The following LMO7 variants were observed in gnomAD, a reference collection of about 807,000 sequenced individuals.
The protein encoded by LMO7 is LIM domain only protein 7.
A neutral mutation model predicts 206.5 loss-of-function variants in LMO7; 120 were observed. That is an observed-to-expected ratio of 0.58 (90% confidence interval 0.50 to 0.68). The LOEUF (loss-of-function observed/expected upper bound fraction) is 0.68. Among genes scored for constraint, LMO7 ranks in the 30% least tolerant of loss-of-function variants. The pLI, the probability that LMO7 is intolerant of heterozygous loss-of-function variation, is 0.00. For synonymous variants in LMO7, 706 were observed against 681.5 expected, an observed-to-expected ratio of 1.04 and a Z score of -0.56; for missense variants, 1,959 against 1,957.9, an observed-to-expected ratio of 1.00 and a Z score of -0.01.
At chr13:75,795,126 A>G in intron 4 of LMO7, among the ~76,000 whole-genome samples, 1 of 152,176 alleles carries the variant, frequency 6.6e-6, no homozygotes, top group East Asian at 1.9e-4. Context: ...GACTGAAATG[A>G]ATAAAATGAA....
At chr13:75,693,027 G>A (rs905257146) in intron 1 of LMO7, among the ~76,000 whole-genome samples, 1 of 152,296 alleles carries the variant, frequency 6.6e-6, no homozygotes, top group African/African-American at 2.4e-5. Flanking sequence ...TATTACAGAA[G>A]CTGTAACTTT....
intron 10 of LMO7, among the ~76,000 whole-genome samples, chr13:75,808,747 G>A (rs551481428): frequency 2.0e-5 from 3 of 152,238 alleles, no homozygotes; most frequent in Admixed American, 1.3e-4. Context: ...GTTGTCTGCT[G>A]AATTTTATGT....
rs112246241 is a variant in LMO7, at chr13:75,649,980, T to C, written c.69+13254T>C. Among the ~76,000 whole-genome samples, 1,306 of 152,246 alleles carry C rather than the reference T, an allele frequency of 8.6e-3. 16 individuals are homozygous for C. The highest frequency in any genetic ancestry group is 0.029 in the African/African-American group (1,194 of 41,560). ...CCCAGGGTTTTAGTTCACAATACTTTAGTGGAGATATTTTGTTTTTAAAAT... is the reference window on the plus strand; with the variant it reads ...CCCAGGGTTTTAGTTCACAATACTTCAGTGGAGATATTTTGTTTTTAAAAT... On this transcript the variant is annotated intron_variant, in intron 1 of 30. Coordinates refer to ENST00000377534, the MANE Select transcript of LMO7 (RefSeq NM_001306080.2).
intron 3 of LMO7, chr13:75,760,329 A>T: frequency 1.0e-6 from 1 of 992,844 alleles, no homozygotes; most frequent in Non-Finnish European, 1.2e-6. Context: ...TGCCACACAA[A>T]CTATGCAATT....
At chr13:75,795,312 T>A (rs2053843838) in intron 4 of LMO7, 89 bp from the exon 5 acceptor site, 2 of 846,314 alleles carry the variant, frequency 2.4e-6, no homozygotes, top group South Asian at 1.6e-5. Flanking sequence ...ATTCATAGAA[T>A]TTTAGAATAA....
rs1339723422 is a variant in LMO7 at position 75,859,023 on chromosome 13, A to C, written c.*1080A>C. 6.6e-6 allele frequency: 1 copy of C among 152,226 alleles called. No individual in the cohort carries two copies. The highest frequency in any genetic ancestry group is 6.5e-5 in the Admixed American group (1 of 15,284). The allele number at this position is 152,226 out of a possible 1,614,324, so 9.4% of individuals were successfully genotyped here. ...TTACTAACCCCATGATAAAAGGAGA[A>C]GACAACAGTGAGCTTAGAATATCTA... On this transcript the variant is annotated 3_prime_UTR_variant, in exon 31 of 31. Coordinates refer to ENST00000377534, the MANE Select transcript of LMO7 (RefSeq NM_001306080.2).
In LMO7 at chr13:75,809,136, G is replaced by T; in HGVS notation, c.1917-18G>T. 6.2e-7 allele frequency: 1 copy of T among 1,600,270 alleles called. No homozygotes were observed. The highest frequency in any genetic ancestry group is 8.6e-7 in the Non-Finnish European group (1 of 1,168,120). ...TGGGAAAAATGACTTTTTAATTTTT[G>T]GTTTTCTGGTTTCTTAGACTCTTTC... On this transcript the variant is annotated intron_variant, in intron 10 of 30. Coordinates refer to ENST00000377534, the MANE Select transcript of LMO7 (RefSeq NM_001306080.2).
In LMO7 at chr13:75,647,378, C is replaced by G. The variant is rs1239917731; in HGVS notation, c.69+10652C>G. 3.3e-5 allele frequency among the ~76,000 whole-genome samples: 5 copies of G among 152,266 alleles called. No homozygotes were observed. In the East Asian group the frequency reaches 9.6e-4, roughly 29 times the overall value. On this transcript the variant is annotated intron_variant, in intron 1 of 30. Transcript: ENST00000377534. ...TTCCCCTGCTTTTTCAAGTTCTGTT[C>G]TAGACTGAGCAAGTTTTGAACATGT...
chr13:75,810,759 G>A (rs1042738159), intron 11 of LMO7, among the ~76,000 whole-genome samples: 4 of 152,172 alleles, frequency 2.6e-5, no homozygotes, highest in African/African-American at 7.2e-5. Context: ...AGTATGTGGT[G>A]GAAATGTCAA....
chr13:75,661,423 C>CTTTA (rs769225523), intron 1 of LMO7, among the ~76,000 whole-genome samples: 26 of 152,196 alleles, frequency 1.7e-4, no homozygotes, highest in South Asian at 6.2e-4. Context: ...CTTCTCTGTG[C>CTTTA]TTTAGCTTTC....
rs569480231 is a variant in LMO7 at position 75,660,706 on chromosome 13, A to G, written c.69+23980A>G. ...GCTTCATGGTCTCAGGAGGTTGTAG[A>G]GTAGGCCATCTACTGTGCTGTCTAT... On this transcript the variant is annotated intron_variant, in intron 1 of 30. Coordinates refer to ENST00000377534, the MANE Select transcript of LMO7 (RefSeq NM_001306080.2). Among the ~76,000 whole-genome samples, 11 of 152,274 alleles carry G rather than the reference A, an allele frequency of 7.2e-5. No homozygotes were observed. In the South Asian group the frequency reaches 1.5e-3, roughly 20 times the overall value.
intron 29 of LMO7, among the ~76,000 whole-genome samples, chr13:75,856,132 C>G (rs2060916087): frequency 6.6e-6 from 1 of 152,188 alleles, no homozygotes; most frequent in Non-Finnish European, 1.5e-5. Context: ...GAGCGGCCCA[C>G]CCCAGGGTGG....
chr13:75,675,244 T>A (rs919943608), intron 1 of LMO7, among the ~76,000 whole-genome samples: 37 of 152,060 alleles, frequency 2.4e-4, no homozygotes, highest in African/African-American at 8.9e-4. Flanking sequence ...TGTCTAATTT[T>A]TGTATTTTTA....
intron 1 of LMO7, among the ~76,000 whole-genome samples, chr13:75,647,951 CTTTTTTT>C (rs570513211): frequency 1.1e-5 from 1 of 91,128 alleles, no homozygotes; most frequent in Admixed American, 1.6e-4. Flanking sequence ...TCTTTTCTTT[CTTTTTTT>C]TTTTTTTTTT....
chr13:75,707,752 T>TA (rs1020275023), intron 1 of LMO7, among the ~76,000 whole-genome samples: 19 of 152,148 alleles, frequency 1.2e-4, no homozygotes, highest in African/African-American at 4.3e-4. Flanking sequence ...TGTCTTTTTT[T>TA]AAAAAAATAT....
At chr13:75,820,273 G>A (rs2057443274) in intron 13 of LMO7, among the ~76,000 whole-genome samples, 2 of 152,186 alleles carry the variant, frequency 1.3e-5, no homozygotes, top group Admixed American at 1.3e-4. Flanking sequence ...TGAGAGATGA[G>A]GGTGTTTTAT....
Position 75,841,126 on chromosome 13 carries a change from G to A in LMO7, c.3600G>A (p.Glu1200=). The change falls in exon 23 of 31, where the codon GAG becomes GAA. Residue 1200 remains glutamate (E), a synonymous_variant. Coordinates refer to ENST00000377534, the MANE Select transcript of LMO7 (RefSeq NM_001306080.2). ...TCTTATAGGAAAAATATCAACGTGAGCAGGAGAAACTGAGGGAAGAGTGGC... is the reference window on the plus strand; with the variant it reads ...TCTTATAGGAAAAATATCAACGTGAACAGGAGAAACTGAGGGAAGAGTGGC... ...DRLLQEKYQR[E]QEKLREEWQR... 6.2e-7 allele frequency: 1 copy of A among 1,611,410 alleles called. No homozygotes were observed. The highest frequency in any genetic ancestry group is 8.5e-7 in the Non-Finnish European group (1 of 1,177,782).
At chr13:75,714,196 A>T (rs1183942580) in intron 2 of LMO7, among the ~76,000 whole-genome samples, 1 of 152,198 alleles carries the variant, frequency 6.6e-6, no homozygotes, top group Non-Finnish European at 1.5e-5. Context: ...TTCTTGCTCC[A>T]TTATTTTTGG....
chr13:75,835,408 A>G, intron 18 of LMO7, 69 bp downstream of exon 18: 1 of 966,836 alleles, frequency 1.0e-6, no homozygotes, highest in African/African-American at 1.7e-5. Context: ...GTATGGAAGA[A>G]AATAATTTCT....
Sources: gnomAD v4.1 joint callset for allele counts (sites outside exome capture counted in the v4.1 genomes callset) on GRCh38, gnomAD v4.1.1 for gene constraint, MANE v1.5 for transcripts, NCBI Gene and HGNC (gene_info 2026-07-23, HGNC 2026-07-21) for gene names.